Variants in LCA5L observed in about 807,000 individuals in gnomAD.
The protein encoded by LCA5L is lebercilin LCA5 like, also known as lebercilin-like protein.
LCA5L carries 35 observed loss-of-function variants against 45.4 expected under a neutral mutation model. That is an observed-to-expected ratio of 0.77 (90% CI 0.59 to 1.02). The LOEUF is 1.02. Among genes scored for constraint, LCA5L ranks in the 50% least tolerant of loss-of-function variants. LCA5L has a pLI of 0.00. For synonymous variants in LCA5L, 233 were observed against 264.7 expected, an observed-to-expected ratio of 0.88 and a Z score of 1.16; for missense variants, 668 against 761.6, an observed-to-expected ratio of 0.88 and a Z score of 1.45.
Position 39,420,822 on chromosome 21 carries a change from A to G in LCA5L, c.859T>C (p.Leu287=). 1.2e-6 allele frequency: 2 copies of G among 1,612,632 alleles called. No homozygotes were observed. The highest frequency in any genetic ancestry group is 1.7e-5 in the Admixed American group (1 of 59,970). The change falls in exon 7 of 11, where the codon TTG becomes CTG. Residue 287 remains leucine, a synonymous_variant. Transcript: ENST00000288350. ...KIQSLEKQLR[L]NCRAFSRQLA... ...TGCCGGCTAAAGGCTCTGCAGTTCA[A>G]CCTCAGTTGTTTTTCCAAGCTCTGA...
intron 4 of LCA5L, among the ~76,000 whole-genome samples, chr21:39,428,764 C>T (rs532798028): frequency 5.3e-5 from 8 of 150,158 alleles, no homozygotes; most frequent in South Asian, 4.3e-4. Context: ...GAGTGTGTGC[C>T]GTCACACCTG....
At chr21:39,439,958 G>T (rs1049954817) in intron 2 of LCA5L, among the ~76,000 whole-genome samples, 1 of 152,186 alleles carries the variant, frequency 6.6e-6, no homozygotes, top group East Asian at 1.9e-4. Flanking sequence ...ACCCTGAAAT[G>T]TTGGATTAGA....
rs1450844862 is a variant in LCA5L at position 39,412,467 on chromosome 21, A to C, written c.976-665T>G. ...ATATCAAATGCTCCTTCTTACATGTACACCAGGAGGCAAGAAAGGCTTTGG... is the reference window on the plus strand; with the variant it reads ...ATATCAAATGCTCCTTCTTACATGTCCACCAGGAGGCAAGAAAGGCTTTGG... On this transcript the variant is annotated intron_variant, in intron 7 of 10. Transcript: ENST00000288350. Among the ~76,000 whole-genome samples, 4 of 152,372 alleles carry C rather than the reference A, an allele frequency of 2.6e-5. No individual in the cohort carries two copies. In the East Asian group the frequency reaches 7.7e-4, roughly 29 times the overall value.
intron 10 of LCA5L, among the ~76,000 whole-genome samples, chr21:39,407,609 T>A (rs2039308657): frequency 6.6e-6 from 1 of 152,198 alleles, no homozygotes; most frequent in African/African-American, 2.4e-5. Flanking sequence ...TCCAGGCAGT[T>A]ATTATAGACA....
intron 7 of LCA5L, chr21:39,414,406 G>A (rs1330001029): frequency 5.9e-5 from 9 of 152,174 alleles, no homozygotes; most frequent in East Asian, 3.9e-4. Context: ...CCTAGAACTC[G>A]GTGTGGGATG....
intron 3 of LCA5L, among the ~76,000 whole-genome samples, chr21:39,431,307 C>T (rs1569116774): frequency 6.6e-6 from 1 of 152,096 alleles, no homozygotes; most frequent in Non-Finnish European, 1.5e-5. Flanking sequence ...ATTGTAGCTT[C>T]TTAAAAATGC....
intron 7 of LCA5L, among the ~76,000 whole-genome samples, chr21:39,412,595 C>A (rs934317958): frequency 6.6e-6 from 1 of 150,840 alleles, no homozygotes; most frequent in Non-Finnish European, 1.5e-5. Flanking sequence ...GACAGACGTG[C>A]ATGTGCACAC....
Position 39,428,406 on chromosome 21 carries a change from T to A in LCA5L, c.88A>T (p.Lys30Ter). 1 of 1,613,142 alleles carries A rather than the reference T, an allele frequency of 6.2e-7. No homozygotes were observed. Among genetic ancestry groups the A allele is most frequent in the Non-Finnish European group, 8.5e-7 (1 of 1,179,740 alleles). The change falls in exon 5 of 11, where the codon AAG becomes TAG. Residue 30 changes from lysine (K) to a stop codon, truncating the protein, a stop_gained. Coordinates refer to ENST00000288350, the MANE Select transcript of LCA5L (RefSeq NM_152505.4). LOFTEE classifies it high-confidence loss of function. Reference protein sequence around the residue: ...LENNRRSAACKRSPGTGDFSR... With the variant: ...LENNRRSAAC ...AAATCGCCTGTGCCTGGGCTTCTCT[T>A]GCATGCTGCAGACCTCCTATTGTTT... is the stretch of plus-strand genomic sequence containing the variant.
At chr21:39,443,191 G>A (rs2077045361) in intron 2 of LCA5L, among the ~76,000 whole-genome samples, 1 of 152,234 alleles carries the variant, frequency 6.6e-6, no homozygotes, top group African/African-American at 2.4e-5. Context: ...AAATAATAGA[G>A]GCATTGAATA....
intron 6 of LCA5L, 62 bp downstream of exon 6, chr21:39,422,914 A>G (rs2074009110): frequency 6.7e-7 from 1 of 1,486,196 alleles, no homozygotes; most frequent in African/African-American, 1.4e-5. Context: ...TCCATGATTA[A>G]TTCACACCCT....
chr21:39,416,934 A>C (rs2147417726), intron 7 of LCA5L, among the ~76,000 whole-genome samples: 1 of 152,350 alleles, frequency 6.6e-6, no homozygotes, highest in South Asian at 2.1e-4. Context: ...GGATACAGTC[A>C]GCGTTCCCTG....
At chr21:39,422,587 CT>C (rs748297568) in intron 6 of LCA5L, 2 of 277,458 alleles carry the variant, frequency 7.2e-6, no homozygotes, top group Non-Finnish European at 1.3e-5. Context: ...GGGAAGTAGC[CT>C]TTTAATCAAC....
At chr21:39,419,511 C>T (rs2041896314) in intron 7 of LCA5L, among the ~76,000 whole-genome samples, 1 of 114,162 alleles carries the variant, frequency 8.8e-6, no homozygotes, top group Non-Finnish European at 1.7e-5. Flanking sequence ...GGCAACAGAG[C>T]AAGACCCTGT....
intron 2 of LCA5L, among the ~76,000 whole-genome samples, chr21:39,442,681 G>C (rs766941617): frequency 5.3e-5 from 8 of 152,116 alleles, no homozygotes; most frequent in African/African-American, 1.9e-4. Context: ...AGGTACAACG[G>C]AAGAGGTTCC....
chr21:39,422,877 G>T, intron 6 of LCA5L, 99 bp downstream of exon 6: 1 of 1,078,524 alleles, frequency 9.3e-7, no homozygotes, highest in African/African-American at 1.6e-5. Context: ...GAAGCAGTTA[G>T]TAATGCTTTG....
At chr21:39,423,526 A>C in intron 5 of LCA5L, 36 bp from the exon 6 acceptor site, 2 of 1,503,220 alleles carry the variant, frequency 1.3e-6, no homozygotes, top group Non-Finnish European at 1.8e-6. Flanking sequence ...TTACTAGTAA[A>C]ATATACAGAT....
chr21:39,428,622 T>C, intron 4 of LCA5L, 119 bp from the exon 5 acceptor site: 1 of 84,784 alleles, frequency 1.2e-5, no homozygotes, highest in Non-Finnish European at 2.5e-5. Flanking sequence ...TTTTTTTTTT[T>C]TTTTTTTAAA....
At position 39,435,587 on chromosome 21, in the gene LCA5L, A is replaced by G. The variant is rs1460683972; in HGVS notation, c.-245-14T>C. 1 of 152,234 alleles carries G rather than the reference A, an allele frequency of 6.6e-6. No individual in the cohort carries two copies. The highest frequency in any genetic ancestry group is 1.5e-5 in the Non-Finnish European group (1 of 68,042). 9.4% of individuals were successfully genotyped at this position (152,234 alleles called of 1,614,324 possible). A position where few individuals can be genotyped will look rare whatever the true frequency, so the allele number is the denominator to read the frequency against. On this transcript the variant is annotated splice_polypyrimidine_tract_variant and intron_variant, in intron 2 of 10. Transcript: ENST00000288350. ...ATTTTAAAAAACCTAAAATGGTATT[A>G]CAAAAGGAAAATGTTACAATCTCAC...
At chr21:39,420,522 C>CAAAAGAA (rs553731626) in intron 7 of LCA5L, among the ~76,000 whole-genome samples, 184 bp downstream of exon 7, 3 of 87,146 alleles carry the variant, frequency 3.4e-5, no homozygotes, top group African/African-American at 5.0e-5. Flanking sequence ...GATTCTATCT[C>CAAAAGAA]AAAAAAAAAA....
Sources: allele counts gnomAD v4.1 joint callset (sites outside exome capture counted in the v4.1 genomes callset), GRCh38; gene constraint gnomAD v4.1.1; transcripts MANE v1.5; gene names NCBI Gene and HGNC (gene_info 2026-07-23, HGNC 2026-07-21).